Variants in ZNF41 observed in about 807,000 individuals in gnomAD.
ZNF41 encodes zinc finger protein 41.
Under a neutral mutation model 9.3 loss-of-function variants are expected in ZNF41, and 6 were observed. The observed-to-expected ratio is 0.65, with a 90% CI of 0.35 to 1.28. The LOEUF (loss-of-function observed/expected upper bound fraction) is 1.28. Ranked by LOEUF, ZNF41 falls within the 50% of genes most tolerant of loss-of-function variation. The pLI, the probability that ZNF41 is intolerant of heterozygous loss-of-function variation, is 0.03. For synonymous variants in ZNF41, 192 were observed against 207.1 expected, an observed-to-expected ratio of 0.93 and a Z score of 0.63; for missense variants, 523 against 585.8, an observed-to-expected ratio of 0.89 and a Z score of 1.11.
chrX:47,448,180 C>T lies in ZNF41; in HGVS notation c.1590G>A (p.Lys530=). The part of the protein sequence containing the change: ...EKPYMCAECG[K]AFTDQSNLIK... ...TGAGATTTGACTGGTCAGTAAAAGC[C>T]TTTCCACATTCAGCACACATATAGG... Residue 530 remains lysine, a synonymous_variant, in exon 5 of 5, where the codon AAG becomes AAA. Transcript: ENST00000684689. The T allele has an allele frequency of 8.3e-7, 1 of 1,211,757 alleles. No individual in the cohort carries two copies. The highest frequency in any genetic ancestry group is 2.3e-4 in the Middle Eastern group (1 of 4,353).
In ZNF41 at chrX:47,467,555, G is replaced by GC; in HGVS notation, c.-75dup. 4.4e-6 allele frequency: 5 copies of GC among 1,132,243 alleles called. No individual in the cohort carries two copies. Among genetic ancestry groups the GC allele is most frequent in the Non-Finnish European group, 5.9e-6 (5 of 843,420 alleles). The allele number at this position is 1,132,243 out of a possible 1,213,427, so 93.3% of individuals were successfully genotyped here. On this transcript the variant is annotated 5_prime_UTR_variant, in exon 2 of 5. It removes the in-frame stop codon of an upstream open reading frame in the 5' UTR. Transcript: ENST00000684689. ...CTTCCCCAAGCTGGAAGCTGAGCTG[G>GC]CATCTGTGGACTCAACCGGAGCTGC...
chrX:47,450,679 A>G (rs1306936573), intron 4 of ZNF41, among the ~76,000 whole-genome samples: 2 of 112,046 alleles, frequency 1.8e-5, no homozygotes, highest in Non-Finnish European at 3.8e-5. Context: ...TGGCCTCGCT[A>G]TGTTCTCAGC....
At chrX:47,464,410 C>T (rs999870685) in intron 2 of ZNF41, among the ~76,000 whole-genome samples, 2 of 111,791 alleles carry the variant, frequency 1.8e-5, no homozygotes, top group Non-Finnish European at 3.8e-5. Flanking sequence ...TCTCCATCTT[C>T]AGCCACTGTT....
Position 47,447,665 on chromosome X carries a change from C to T in ZNF41, c.2105G>A (p.Trp702Ter). The T allele has an allele frequency of 8.3e-7, 1 of 1,211,730 alleles. No homozygotes were observed. Among genetic ancestry groups the T allele is most frequent in the Middle Eastern group, 2.3e-4 (1 of 4,355 alleles). The part of the protein sequence containing the change: ...ECGDCGKTFT[W>*]KSRLNIHQKS... ...CTGATGTATATTGAGGCGTGACTTC[C>T]AGGTGAAGGTTTTCCCGCAGTCACC... The change falls in exon 5 of 5, where the codon TGG becomes TAG. Residue 702 changes from tryptophan to a stop codon, truncating the protein, a stop_gained. Transcript: ENST00000684689. LOFTEE classifies it low-confidence loss of function (END_TRUNC).
chrX:47,455,515 G>A (rs2056529287), intron 4 of ZNF41, among the ~76,000 whole-genome samples: 1 of 110,571 alleles, frequency 9.0e-6, no homozygotes, highest in Non-Finnish European at 1.9e-5. Flanking sequence ...AACCTGGGAG[G>A]TGGAGGTTGC....
In ZNF41 at chrX:47,467,448, G is replaced by A; in HGVS notation, c.34C>T (p.Pro12Ser). Residue 12 changes from proline to serine, a missense_variant, in exon 2 of 5, where the codon CCG becomes TCG. Coordinates refer to ENST00000684689, the MANE Select transcript of ZNF41 (RefSeq NM_001324144.2). ...CCACGTCCCTCTGCAGCCAGGGCCGGGGACCATGGGGGAGAGTCCCCATTA... is the reference window on the plus strand; with the variant it reads ...CCACGTCCCTCTGCAGCCAGGGCCGAGGACCATGGGGGAGAGTCCCCATTA... ...AANGDSPPWS[P>S]ALAAEGRGSS... 1 of 1,188,897 alleles carries A rather than the reference G, an allele frequency of 8.4e-7. No homozygotes were observed. The highest frequency in any genetic ancestry group is 1.7e-5 in the African/African-American group (1 of 57,556).
At chrX:47,463,859 T>C (rs1463183987) in intron 2 of ZNF41, among the ~76,000 whole-genome samples, 1 of 111,319 alleles carries the variant, frequency 9.0e-6, no homozygotes, top group Admixed American at 9.6e-5. Context: ...TCAGCAATTG[T>C]CTCCTGCTTC....
intron 4 of ZNF41, 56 bp downstream of exon 4, chrX:47,455,865 T>A: frequency 1.8e-6 from 2 of 1,101,796 alleles, no homozygotes; most frequent in Non-Finnish European, 2.5e-6. Context: ...CGGGCTTTCC[T>A]AGGGAAAGTG....
intron 1 of ZNF41, among the ~76,000 whole-genome samples, chrX:47,471,561 T>C (rs766417551): frequency 8.1e-5 from 9 of 111,715 alleles, no homozygotes; most frequent in Non-Finnish European, 1.7e-4. Flanking sequence ...CATTGGTTTA[T>C]TTGTCTATTC....
At position 47,458,322 on chromosome X, in the gene ZNF41, T is replaced by C. The variant is rs141106099; in HGVS notation, c.73-1924A>G. The stretch of plus-strand genomic sequence containing the variant: ...CAAAATAACTGATCGTCTAAGAAGA[T>C]ACACTCAATATCAATGTAATCAGTA... On this transcript the variant is annotated intron_variant, in intron 2 of 4. Transcript: ENST00000684689. 1.3e-4 allele frequency among the ~76,000 whole-genome samples: 15 copies of C among 112,167 alleles called. No homozygotes were observed. In the East Asian group the frequency reaches 3.9e-3, roughly 29 times the overall value.
chrX:47,451,920 A>AAT (rs2056384751), intron 4 of ZNF41, among the ~76,000 whole-genome samples: 1 of 112,192 alleles, frequency 8.9e-6, no homozygotes, highest in Non-Finnish European at 1.9e-5. Flanking sequence ...GTACCCCATA[A>AAT]ATATATATAC....
intron 1 of ZNF41, among the ~76,000 whole-genome samples, chrX:47,481,499 T>A (rs6609519): frequency 0.22 from 24,745 of 110,061 alleles, 2,550 homozygotes; most frequent in South Asian, 0.4. Context: ...AAATAAAAAA[T>A]TAGTGGGTGT....
In ZNF41 at chrX:47,448,860, T is replaced by C; in HGVS notation, c.910A>G (p.Ser304Gly). 1.7e-6 allele frequency: 2 copies of C among 1,211,661 alleles called. No individual in the cohort carries two copies. The highest frequency in any genetic ancestry group is 2.3e-4 in the Middle Eastern group (1 of 4,353). Residue 304 changes from serine to glycine, a missense_variant, in exon 5 of 5, where the codon AGC becomes GGC. Physicochemically the swap from Ser to Gly is moderately conservative, Grantham distance 56. Transcript: ENST00000684689. The part of the protein sequence containing the change: ...AGEKSRECDK[S>G]NKVFPQKPQV... ...GGTTTCTGGGGGAAGACTTTGTTGC[T>C]TTTGTCACATTCACGGGACTTTTCT...
chrX:47,472,762 A>G (rs1372703783), intron 1 of ZNF41, among the ~76,000 whole-genome samples: 1 of 106,890 alleles, frequency 9.4e-6, no homozygotes, highest in Admixed American at 1.0e-4. Flanking sequence ...TTGCCCTGTC[A>G]CCCAGGCTGG....
intron 1 of ZNF41, among the ~76,000 whole-genome samples, chrX:47,480,557 T>C (rs2057444816): frequency 9.0e-6 from 1 of 110,542 alleles, no homozygotes; most frequent in Non-Finnish European, 1.9e-5. Context: ...AAGGCAGATA[T>C]ATCTTAATAG....
At chrX:47,480,543 G>A (rs751706622) in intron 1 of ZNF41, among the ~76,000 whole-genome samples, 6 of 109,887 alleles carry the variant, frequency 5.5e-5, no homozygotes, top group Admixed American at 9.9e-5. Context: ...ACCTGTAAAG[G>A]AAAAAGGCAG....
At chrX:47,477,918 C>T (rs1330496971) in intron 1 of ZNF41, among the ~76,000 whole-genome samples, 1 of 112,625 alleles carries the variant, frequency 8.9e-6, no homozygotes. Flanking sequence ...CAGCATTATT[C>T]ATAATAGCTA....
At chrX:47,466,427 G>A (rs1041020042) in intron 2 of ZNF41, among the ~76,000 whole-genome samples, 4 of 111,375 alleles carry the variant, frequency 3.6e-5, no homozygotes, top group Admixed American at 9.6e-5. Context: ...GCTGTGGTGC[G>A]GTGAGGGTGG....
intron 2 of ZNF41, among the ~76,000 whole-genome samples, chrX:47,460,285 G>A (rs2056738494): frequency 9.0e-6 from 1 of 111,600 alleles, no homozygotes; most frequent in South Asian, 3.7e-4. Flanking sequence ...ATAAATTCCA[G>A]ATGTATTATA....
Sources: allele counts gnomAD v4.1 joint callset (sites outside exome capture counted in the v4.1 genomes callset), GRCh38; gene constraint gnomAD v4.1.1; transcripts MANE v1.5; gene names NCBI Gene and HGNC (gene_info 2026-07-23, HGNC 2026-07-21).